The following PTPN13 variants were observed in gnomAD, a reference collection of about 807,000 sequenced individuals.
PTPN13 encodes protein tyrosine phosphatase non-receptor type 13.
PTPN13 carries 191 observed loss-of-function variants against 284.0 expected under a neutral mutation model. The ratio of observed to expected loss-of-function variants is 0.67; its 90% CI spans 0.60 to 0.76. The LOEUF is 0.76. Among genes scored for constraint, PTPN13 ranks in the 30% least tolerant of loss-of-function variants. The probability of loss-of-function intolerance (pLI) is 0.00; values close to 1 mark genes in which losing one functional copy is unlikely to be tolerated. For synonymous variants in PTPN13, 986 were observed against 1,022.3 expected (o/e 0.96, Z 0.68); for missense variants, 2,797 against 2,939.9 (o/e 0.95, Z 1.12).
At chr4:86,791,791 CAG>C (rs1742705839) in intron 40 of PTPN13, among the ~76,000 whole-genome samples, 2 of 152,272 alleles carry the variant, frequency 1.3e-5, no homozygotes, top group Middle Eastern at 3.4e-3. Context: ...AACTAACAAA[CAG>C]AAAGGAATAG....
chr4:86,779,333 C>T (rs1437759421), intron 35 of PTPN13, among the ~76,000 whole-genome samples: 2 of 151,094 alleles, frequency 1.3e-5, no homozygotes, highest in Non-Finnish European at 2.9e-5. Context: ...AGGAGAATGG[C>T]GTGAACCCGG....
chr4:86,710,949 G>A (rs1470331643), intron 7 of PTPN13, among the ~76,000 whole-genome samples: 2 of 151,590 alleles, frequency 1.3e-5, no homozygotes, highest in Non-Finnish European at 2.9e-5. Flanking sequence ...TTTTGAGAGA[G>A]GGTCTCGCTC....
chr4:86,612,666 C>G (rs1720033069), intron 1 of PTPN13, among the ~76,000 whole-genome samples: 1 of 151,952 alleles, frequency 6.6e-6, no homozygotes, highest in Non-Finnish European at 1.5e-5. Context: ...AAGAGAAAAT[C>G]TTAGAAGTAG....
At chr4:86,797,789 A>G (rs1743520176) in intron 41 of PTPN13, among the ~76,000 whole-genome samples, 1 of 152,136 alleles carries the variant, frequency 6.6e-6, no homozygotes, top group South Asian at 2.1e-4. Context: ...CCCACAAAAT[A>G]TGTTTTAAAA....
At chr4:86,654,350 T>C (rs112609246) in intron 2 of PTPN13, among the ~76,000 whole-genome samples, 7,094 of 152,272 alleles carry the variant, frequency 0.047, 221 homozygotes, top group African/African-American at 0.061. Flanking sequence ...ATATCACCAC[T>C]GATCCCACAG....
rs1424090433 is a variant in PTPN13, at chr4:86,782,186, A to G, written c.5963-15A>G. 1.4e-5 allele frequency: 22 copies of G among 1,578,060 alleles called. No homozygotes were observed. The highest frequency in any genetic ancestry group is 1.8e-5 in the Non-Finnish European group (21 of 1,147,766). Reference sequence around the variant, plus strand: ...GGATTGGCTCATCCCCTTACTTCCTATATTGTCCTTTCAGGTTCCTACAGT... The same window carrying G: ...GGATTGGCTCATCCCCTTACTTCCTGTATTGTCCTTTCAGGTTCCTACAGT... On this transcript the variant is annotated splice_polypyrimidine_tract_variant and intron_variant, in intron 36 of 47. Transcript: ENST00000411767.
intron 2 of PTPN13, among the ~76,000 whole-genome samples, chr4:86,656,505 C>T (rs1212445668): frequency 6.6e-6 from 1 of 152,194 alleles, no homozygotes; most frequent in Non-Finnish European, 1.5e-5. Context: ...GCTGGAAGTC[C>T]ACTCCAGACC....
At chr4:86,799,382 C>T (rs964043112) in intron 42 of PTPN13, among the ~76,000 whole-genome samples, 178 bp downstream of exon 42, 1 of 121,186 alleles carries the variant, frequency 8.3e-6, no homozygotes, top group Non-Finnish European at 1.9e-5. Context: ...TCTCGGCTCA[C>T]TACAACCACC....
At chr4:86,789,111 C>G (rs1020883224) in intron 40 of PTPN13, among the ~76,000 whole-genome samples, 2 of 152,178 alleles carry the variant, frequency 1.3e-5, no homozygotes, top group African/African-American at 4.8e-5. Flanking sequence ...AGTAGGGTAT[C>G]ACAGGGTGTC....
At chr4:86,762,596 C>T (rs995233716) in intron 23 of PTPN13, 131 bp from the exon 24 acceptor site, 23 of 711,608 alleles carry the variant, frequency 3.2e-5, no homozygotes, top group Non-Finnish European at 4.6e-5. Flanking sequence ...GTCTACCAAA[C>T]ACATGACCTA....
chr4:86,718,527 T>G (rs551821058), intron 9 of PTPN13, among the ~76,000 whole-genome samples: 16 of 151,680 alleles, frequency 1.1e-4, no homozygotes, highest in Non-Finnish European at 2.1e-4. Context: ...CTCAGCTCAC[T>G]GCAACCTCTG....
Position 86,792,824 on chromosome 4 carries a change from C to A in PTPN13, c.6346-4050C>A, listed in dbSNP as rs558665640. 3.9e-5 allele frequency among the ~76,000 whole-genome samples: 6 copies of A among 152,276 alleles called. 1 individual carries two copies. The South Asian group carries it at 1.2e-3, about 32-fold the overall frequency. The stretch of plus-strand genomic sequence containing the variant: ...AAGCAAATGCTAACAGATTTTGTCA[C>A]CACCAGGCCTGCCTAACAAGAACTC... On this transcript the variant is annotated intron_variant, in intron 40 of 47. Transcript: ENST00000411767.
Position 86,775,569 on chromosome 4 carries a change from A to G in PTPN13, c.5808A>G (p.Gly1936=). The change falls in exon 35 of 48, where the codon GGA becomes GGG. Residue 1936 remains glycine, a synonymous_variant. Coordinates refer to ENST00000411767, the MANE Select transcript of PTPN13 (RefSeq NM_080683.3). ...TAGATGTCATCCATTATGTGAACGG[A>G]GTCAGCACACAAGGAATGACCTTGG... The part of the protein sequence containing the change: ...QLLDVIHYVN[G]VSTQGMTLEE... The G allele has an allele frequency of 6.2e-7, 1 of 1,613,720 alleles. No individual in the cohort carries two copies.
intron 1 of PTPN13, among the ~76,000 whole-genome samples, chr4:86,609,968 G>C (rs1765120091): frequency 1.3e-5 from 2 of 152,104 alleles, no homozygotes. Flanking sequence ...CTTGGCTTAA[G>C]TATGAATACT....
intron 1 of PTPN13, among the ~76,000 whole-genome samples, chr4:86,632,153 A>G (rs1463929154): frequency 1.3e-5 from 2 of 152,176 alleles, no homozygotes; most frequent in African/African-American, 4.8e-5. Context: ...ACAGTCACTT[A>G]AACTCCATAA....
rs544229792 is a variant in PTPN13, at chr4:86,627,821, C to G, written c.-5-7431C>G. The stretch of plus-strand genomic sequence containing the variant: ...TAAATGTAATCATACAACATGTACA[C>G]TTGTTTCTGTCTTGCTTTCTTCATT... On this transcript the variant is annotated intron_variant, in intron 1 of 47. Transcript: ENST00000411767. 5.3e-5 allele frequency among the ~76,000 whole-genome samples: 8 copies of G among 152,274 alleles called. No homozygotes were observed. The South Asian group carries it at 1.7e-3, about 32-fold the overall frequency.
At chr4:86,791,290 G>C (rs370646554) in intron 40 of PTPN13, among the ~76,000 whole-genome samples, 1 of 152,108 alleles carries the variant, frequency 6.6e-6, no homozygotes, top group Admixed American at 6.6e-5. Context: ...TTGACCAGTG[G>C]GGGGCATCCA....
At chr4:86,786,974 G>T (rs557206034) in intron 40 of PTPN13, among the ~76,000 whole-genome samples, 1 of 151,618 alleles carries the variant, frequency 6.6e-6, no homozygotes, top group Non-Finnish European at 1.5e-5. Flanking sequence ...ATGTGGTGGC[G>T]CACACCTGTA....
rs141000824 is a variant in PTPN13 at position 86,643,596 on chromosome 4, G to A, written c.115+8225G>A. On this transcript the variant is annotated intron_variant, in intron 2 of 47. Coordinates refer to ENST00000411767, the MANE Select transcript of PTPN13 (RefSeq NM_080683.3). ...TGTTTTTTATACAATTACTTTTATT[G>A]CATAAATACTTTCAGGAAAATTATC... 4.6e-5 allele frequency among the ~76,000 whole-genome samples: 7 copies of A among 152,068 alleles called. No homozygotes were observed. The East Asian group carries it at 1.2e-3, about 25-fold the overall frequency.
Sources: gnomAD v4.1 joint callset for allele counts (sites outside exome capture counted in the v4.1 genomes callset) on GRCh38, gnomAD v4.1.1 for gene constraint, MANE v1.5 for transcripts, NCBI Gene and HGNC (gene_info 2026-07-23, HGNC 2026-07-21) for gene names.